Variants in CDH12 observed in about 807,000 individuals in gnomAD.
CDH12 encodes the protein cadherin-12.
In CDH12, 41 loss-of-function variants were observed where a neutral mutation model predicts 74.1. The observed-to-expected ratio is 0.55, with a 90% CI of 0.43 to 0.72. The LOEUF (loss-of-function observed/expected upper bound fraction) is 0.72. Among genes scored for constraint, CDH12 ranks in the 30% least tolerant of loss-of-function variants. CDH12 has a pLI of 0.00. For synonymous variants in CDH12, 399 were observed against 355.0 expected, an observed-to-expected ratio of 1.12 and a Z score of -1.39; for missense variants, 945 against 977.2, an observed-to-expected ratio of 0.97 and a Z score of 0.44.
At chr5:22,233,915 A>G (rs1752475329) in intron 3 of CDH12, among the ~76,000 whole-genome samples, 1 of 152,190 alleles carries the variant, frequency 6.6e-6, no homozygotes. Flanking sequence ...AGAAATAATG[A>G]TCAATGCATA....
At chr5:22,101,162 T>C (rs536803986) in intron 4 of CDH12, among the ~76,000 whole-genome samples, 1 of 152,164 alleles carries the variant, frequency 6.6e-6, no homozygotes, top group East Asian at 1.9e-4. Context: ...AGCATGCAAA[T>C]ATTTATTGGG....
intron 1 of CDH12, among the ~76,000 whole-genome samples, chr5:22,662,781 T>C (rs1301730637): frequency 6.6e-6 from 1 of 152,190 alleles, no homozygotes; most frequent in Non-Finnish European, 1.5e-5. Context: ...TATTTGCTAA[T>C]ATATTGCAAG....
chr5:22,406,334 G>A lies in CDH12; in HGVS notation c.-427-983C>T, dbSNP rs1292974295. On this transcript the variant is annotated intron_variant, in intron 2 of 14. Transcript: ENST00000382254. ...GAGTCATCACTCAATACTAGGTATC[G>A]TCAATCCTGTAATCTCTTCACTACC... is the stretch of plus-strand genomic sequence containing the variant. Among the ~76,000 whole-genome samples the A allele has an allele frequency of 4.6e-5, 7 of 152,198 alleles. No homozygotes were observed. The East Asian group carries it at 7.7e-4, about 17-fold the overall frequency.
chr5:22,064,558 G>A (rs1321163856), intron 5 of CDH12, among the ~76,000 whole-genome samples: 3 of 152,112 alleles, frequency 2.0e-5, no homozygotes. Context: ...GTGTGACGGG[G>A]CAACAGAGAT....
chr5:22,768,748 T>C (rs111281183), intron 1 of CDH12, among the ~76,000 whole-genome samples: 108 of 152,222 alleles, frequency 7.1e-4, no homozygotes, highest in African/African-American at 2.4e-3. Context: ...AAACCACTTA[T>C]ATTCTTTGCA....
At chr5:22,560,573 A>G (rs549985002) in intron 1 of CDH12, among the ~76,000 whole-genome samples, 1 of 152,238 alleles carries the variant, frequency 6.6e-6, no homozygotes, top group East Asian at 1.9e-4. Flanking sequence ...TTTTTCAATT[A>G]CCTAAGAAGA....
At chr5:22,139,602 T>C (rs1471123969) in intron 4 of CDH12, 2 of 146,022 alleles carry the variant, frequency 1.4e-5, no homozygotes, top group Non-Finnish European at 3.0e-5. Flanking sequence ...TCCTTCCTTC[T>C]GAAATGCAAA....
chr5:22,156,714 C>T (rs1319826271), intron 4 of CDH12, among the ~76,000 whole-genome samples: 10 of 152,072 alleles, frequency 6.6e-5, no homozygotes, highest in Non-Finnish European at 1.0e-4. Flanking sequence ...AGAACTGAGA[C>T]ATTTTAAAAT....
chr5:22,159,480 G>A (rs573837705), intron 4 of CDH12, among the ~76,000 whole-genome samples: 1 of 152,168 alleles, frequency 6.6e-6, no homozygotes, highest in Admixed American at 6.5e-5. Flanking sequence ...ATTATATTGT[G>A]TCTTTTCTGA....
At chr5:22,432,328 C>T (rs1580643783) in intron 2 of CDH12, among the ~76,000 whole-genome samples, 1 of 152,124 alleles carries the variant, frequency 6.6e-6, no homozygotes, top group Non-Finnish European at 1.5e-5. Flanking sequence ...TATGAGTAAA[C>T]TCTGATCTTC....
At chr5:22,077,231 TA>T (rs1436871197) in intron 5 of CDH12, among the ~76,000 whole-genome samples, 4 of 152,130 alleles carry the variant, frequency 2.6e-5, no homozygotes, top group African/African-American at 7.2e-5. Context: ...AAACTCTGGT[TA>T]TATGTCCCTT....
At chr5:21,833,251 A>ATTATATTACATATAATATATATTATATG (rs1749265001) in intron 8 of CDH12, among the ~76,000 whole-genome samples, 1 of 13,218 alleles carries the variant, frequency 7.6e-5, no homozygotes, top group Non-Finnish European at 9.7e-5. Flanking sequence ...TATATTATAT[A>ATTATATTACATATAATATATATTATATG]TTATATAACA....
At chr5:22,814,593 T>G (rs1225499134) in intron 1 of CDH12, among the ~76,000 whole-genome samples, 1 of 152,322 alleles carries the variant, frequency 6.6e-6, no homozygotes, top group East Asian at 1.9e-4. Context: ...TCTTAAAGAA[T>G]AACTTAGGGT....
intron 5 of CDH12, among the ~76,000 whole-genome samples, chr5:22,009,947 A>G (rs1384316111): frequency 6.6e-6 from 1 of 150,658 alleles, no homozygotes; most frequent in Non-Finnish European, 1.5e-5. Context: ...CTCAAAAAAA[A>G]AAAAAAAAAA....
intron 5 of CDH12, among the ~76,000 whole-genome samples, chr5:22,063,448 C>T (rs556692233): frequency 3.1e-4 from 47 of 152,108 alleles, no homozygotes; most frequent in African/African-American, 1.1e-3. Flanking sequence ...CCTTTTTATC[C>T]TTTCCTTGGG....
chr5:22,841,125 T>C (rs1354819152), intron 1 of CDH12, among the ~76,000 whole-genome samples: 4 of 152,200 alleles, frequency 2.6e-5, no homozygotes, highest in Non-Finnish European at 4.4e-5. Context: ...GCATTTTCTC[T>C]TGAGGCTAAT....
intron 8 of CDH12, among the ~76,000 whole-genome samples, chr5:21,819,761 C>G (rs376092496): frequency 3.9e-5 from 6 of 152,006 alleles, no homozygotes; most frequent in Non-Finnish European, 1.5e-5. Flanking sequence ...GGATTTCAAA[C>G]TTCAAATGTG....
intron 6 of CDH12, among the ~76,000 whole-genome samples, chr5:21,866,467 G>A (rs1328594270): frequency 6.6e-6 from 1 of 152,162 alleles, no homozygotes; most frequent in Non-Finnish European, 1.5e-5. Flanking sequence ...GGAATCTGTT[G>A]GCAACTGGAG....
chr5:22,087,191 A>C (rs1743122440), intron 4 of CDH12, among the ~76,000 whole-genome samples: 1 of 152,178 alleles, frequency 6.6e-6, no homozygotes, highest in African/African-American at 2.4e-5. Flanking sequence ...GATAATAATA[A>C]TGTATCAGTA....
Sources: allele counts gnomAD v4.1 joint callset (sites outside exome capture counted in the v4.1 genomes callset), GRCh38; gene constraint gnomAD v4.1.1; transcripts MANE v1.5; gene names NCBI Gene and HGNC (gene_info 2026-07-23, HGNC 2026-07-21).